IFT140: variants seen among roughly 807,000 people sequenced by gnomAD.
The protein encoded by IFT140 is intraflagellar transport 140.
Under a neutral mutation model 164.6 loss-of-function variants are expected in IFT140, and 133 were observed. The ratio of observed to expected loss-of-function variants is 0.81; its 90% CI spans 0.70 to 0.93. The LOEUF (loss-of-function observed/expected upper bound fraction) is 0.93, where lower values mean the gene tolerates loss of function less well. IFT140 is among the 40% of genes least tolerant of loss of function. The probability of loss-of-function intolerance (pLI) is 0.00; values close to 1 mark genes in which losing one functional copy is unlikely to be tolerated. For missense variants in IFT140, 2,045 were observed against 1,972.3 expected, an observed-to-expected ratio of 1.04 and a Z score of -0.70; for synonymous variants, 860 against 817.3, an observed-to-expected ratio of 1.05 and a Z score of -0.89.
intron 19 of IFT140, among the ~76,000 whole-genome samples, chr16:1,540,513 C>T (rs201733852): frequency 2.0e-5 from 3 of 152,320 alleles, no homozygotes; most frequent in East Asian, 3.9e-4. Context: ...CATCCCCTCT[C>T]GGCCTCCACC....
Position 1,543,207 on chromosome 16 carries a change from C to G in IFT140, c.2399+14728G>C, listed in dbSNP as rs368767810. On this transcript the variant is annotated intron_variant, in intron 19 of 30. Coordinates refer to ENST00000426508, the MANE Select transcript of IFT140 (RefSeq NM_014714.4). ...CTGCCCGCACCCTCCTTCTCCTCCT[C>G]GAGGCCGGTGCAGCGTTCTGCAGGT... 3.3e-5 allele frequency among the ~76,000 whole-genome samples: 5 copies of G among 152,380 alleles called. No individual in the cohort carries two copies. The South Asian group carries it at 1.0e-3, about 32-fold the overall frequency.
chr16:1,595,874 G>A lies in IFT140; in HGVS notation c.370-3286C>T, dbSNP rs146648539. ...TCGAGGCCAGCCTGGCCAACATGGC[G>A]AAATCCTGTCTCTACTAAAAATATA... On this transcript the variant is annotated intron_variant, in intron 4 of 30. Coordinates refer to ENST00000426508, the MANE Select transcript of IFT140 (RefSeq NM_014714.4). 5.1e-3 allele frequency among the ~76,000 whole-genome samples: 780 copies of A among 152,204 alleles called. 5 individuals carry two copies. Among genetic ancestry groups the A allele is most frequent in the African/African-American group, 0.018 (752 of 41,516 alleles).
chr16:1,556,167 C>A (rs1288263759), intron 19 of IFT140, among the ~76,000 whole-genome samples: 1 of 152,226 alleles, frequency 6.6e-6, no homozygotes, highest in African/African-American at 2.4e-5. Flanking sequence ...TGGTGGGCTA[C>A]AAAATTCCTG....
At chr16:1,601,040 A>C (rs544599610) in intron 4 of IFT140, among the ~76,000 whole-genome samples, 1 of 152,224 alleles carries the variant, frequency 6.6e-6, no homozygotes, top group East Asian at 1.9e-4. Flanking sequence ...AGGCAGGCAG[A>C]TCTCTTGACG....
At chr16:1,591,867 T>C (rs2035199547) in intron 6 of IFT140, among the ~76,000 whole-genome samples, 1 of 152,154 alleles carries the variant, frequency 6.6e-6, no homozygotes, top group South Asian at 2.1e-4. Flanking sequence ...AAATAATTTT[T>C]CCAAAACTGT....
chr16:1,525,937 G>C lies in IFT140; in HGVS notation c.2718C>G (p.Arg906=), dbSNP rs780540683. 5 of 1,575,256 alleles carry C rather than the reference G, an allele frequency of 3.2e-6. No homozygotes were observed. In the African/African-American group the frequency reaches 6.8e-5, roughly 21 times the overall value. Residue 906 remains arginine (R), a synonymous_variant, in exon 21 of 31, where the codon CGC becomes CGG. Transcript: ENST00000426508. The stretch of plus-strand genomic sequence containing the variant: ...CGCTGGCCTCCAGGTGCCCGGCATA[G>C]CGGTGGTAGGTGCTGCGCAGGTGCA... ...DRVHLRSTYH[R]YAGHLEASAD...
chr16:1,541,177 G>T, intron 19 of IFT140: 4 of 985,474 alleles, frequency 4.1e-6, no homozygotes, highest in Non-Finnish European at 4.8e-6. Context: ...GTGGGGGACA[G>T]AGAAGGCTGG....
intron 2 of IFT140, among the ~76,000 whole-genome samples, chr16:1,608,631 C>CAA (rs10675170): frequency 0.073 from 6,120 of 83,452 alleles, 349 homozygotes; most frequent in East Asian, 0.19. Context: ...GACTCCGCCT[C>CAA]AAAAAAAAAA....
At chr16:1,588,418 G>A (rs1005695314) in intron 7 of IFT140, among the ~76,000 whole-genome samples, 5 of 151,984 alleles carry the variant, frequency 3.3e-5, no homozygotes, top group Non-Finnish European at 5.9e-5. Flanking sequence ...TCAGCTACTT[G>A]GGAGGCTGAG....
At chr16:1,552,001 G>A (rs991773490) in intron 19 of IFT140, among the ~76,000 whole-genome samples, 2 of 152,158 alleles carry the variant, frequency 1.3e-5, no homozygotes, top group Non-Finnish European at 2.9e-5. Context: ...GGTCCCCTAT[G>A]TGTGGAAACT....
At chr16:1,557,796 G>C in intron 19 of IFT140, 139 bp downstream of exon 19, 1 of 839,286 alleles carries the variant, frequency 1.2e-6, no homozygotes, top group Non-Finnish European at 1.9e-6. Flanking sequence ...TCATCGAGTG[G>C]GAAGACCATG....
intron 13 of IFT140, among the ~76,000 whole-genome samples, chr16:1,575,073 ATAAAT>A (rs1230508021): frequency 6.6e-6 from 1 of 152,188 alleles, no homozygotes; most frequent in Non-Finnish European, 1.5e-5. Flanking sequence ...TTGTAACTTA[ATAAAT>A]TAGTGGCCAG....
At chr16:1,530,063 C>T (rs1024029156) in intron 19 of IFT140, among the ~76,000 whole-genome samples, 3 of 151,064 alleles carry the variant, frequency 2.0e-5, no homozygotes, top group African/African-American at 4.9e-5. Flanking sequence ...ATGGCCGCTT[C>T]GTAAACACCA....
intron 18 of IFT140, among the ~76,000 whole-genome samples, chr16:1,561,682 G>C (rs937230648): frequency 1.3e-5 from 2 of 152,226 alleles, no homozygotes; most frequent in African/African-American, 4.8e-5. Flanking sequence ...AAAGGCAAGG[G>C]GGAAGGGTGC....
chr16:1,580,640 TAC>T (rs1459515387), intron 13 of IFT140, 117 bp downstream of exon 13: 5 of 682,310 alleles, frequency 7.3e-6, no homozygotes, highest in South Asian at 1.7e-5. Flanking sequence ...GGTAGTTCTT[TAC>T]ACAGTGTGAG....
At chr16:1,591,934 C>T (rs1704199472) in intron 6 of IFT140, among the ~76,000 whole-genome samples, 1 of 152,250 alleles carries the variant, frequency 6.6e-6, no homozygotes, top group South Asian at 2.1e-4. Context: ...TCATGAAAAC[C>T]CTTCAAACAC....
chr16:1,511,501 G>A (rs534710841), intron 30 of IFT140, among the ~76,000 whole-genome samples: 6 of 152,218 alleles, frequency 3.9e-5, no homozygotes, highest in Non-Finnish European at 7.4e-5. Context: ...GAGGCCCCGC[G>A]TTCTGCACTC....
At chr16:1,594,138 T>C (rs2035331739) in intron 4 of IFT140, among the ~76,000 whole-genome samples, 1 of 152,256 alleles carries the variant, frequency 6.6e-6, no homozygotes. Flanking sequence ...TCTGTCCCTT[T>C]GATGTGCCCC....
chr16:1,580,812 C>T lies in IFT140; in HGVS notation c.1471G>A (p.Glu491Lys). The T allele has an allele frequency of 6.2e-7, 1 of 1,613,962 alleles. No individual in the cohort carries two copies. Among genetic ancestry groups the T allele is most frequent in the South Asian group, 1.1e-5 (1 of 91,082 alleles). The change falls in exon 13 of 31, where the codon GAA becomes AAA. Residue 491 changes from glutamate to lysine, a missense_variant. Glu to Lys is a moderately conservative substitution (Grantham distance 56). Transcript: ENST00000426508. Reference sequence around the variant, plus strand: ...GACTCCACCGTGTAAACGTTTTCTTCATGCATTGCTAACACAGGCGTCTCA... The same window carrying T: ...GACTCCACCGTGTAAACGTTTTCTTTATGCATTGCTAACACAGGCGTCTCA... ...LCETPVLAMH[E>K]ENVYTVESNR... is the part of the protein sequence containing the mutation.
Sources: gnomAD v4.1 joint callset for allele counts (sites outside exome capture counted in the v4.1 genomes callset) on GRCh38, gnomAD v4.1.1 for gene constraint, MANE v1.5 for transcripts, NCBI Gene and HGNC (gene_info 2026-07-23, HGNC 2026-07-21) for gene names.